TSHZ2: variants seen among roughly 807,000 people sequenced by gnomAD.
TSHZ2 encodes the protein teashirt homolog 2.
Under a neutral mutation model 74.4 loss-of-function variants are expected in TSHZ2, and 21 were observed. That is an observed-to-expected ratio of 0.28 (90% confidence interval 0.20 to 0.41). TSHZ2 has a LOEUF of 0.41. Ranked by LOEUF, TSHZ2 falls within the 10% of genes least tolerant of loss-of-function variation. TSHZ2 has a pLI of 1.00. For synonymous variants in TSHZ2, 540 were observed against 515.3 expected (o/e 1.05, Z -0.65); for missense variants, 1,244 against 1,293.5 (o/e 0.96, Z 0.59).
chr20:53,235,088 G>A (rs990026106), intron 1 of TSHZ2, among the ~76,000 whole-genome samples: 2 of 144,858 alleles, frequency 1.4e-5, no homozygotes, highest in Non-Finnish European at 3.0e-5. Context: ...AAGTTGAGGT[G>A]GAAGATGCTT....
chr20:53,184,363 G>T (rs7263115), intron 1 of TSHZ2, among the ~76,000 whole-genome samples: 14,006 of 152,154 alleles, frequency 0.092, 1,908 homozygotes, highest in African/African-American at 0.3. Context: ...GCATTTGACT[G>T]ACTTTTTCTG....
At chr20:53,325,102 G>C (rs1322220464) in intron 2 of TSHZ2, among the ~76,000 whole-genome samples, 1 of 152,192 alleles carries the variant, frequency 6.6e-6, no homozygotes, top group African/African-American at 2.4e-5. Context: ...TACGAACACA[G>C]GGACTGTGAA....
chr20:53,280,170 C>T (rs1415143710), intron 2 of TSHZ2, among the ~76,000 whole-genome samples: 2 of 152,166 alleles, frequency 1.3e-5, no homozygotes, highest in Non-Finnish European at 2.9e-5. Context: ...GTGAATGTAC[C>T]TTTCCTTCCT....
intron 2 of TSHZ2, among the ~76,000 whole-genome samples, chr20:53,378,533 G>A (rs1335465977): frequency 6.6e-6 from 1 of 151,994 alleles, no homozygotes; most frequent in African/African-American, 2.4e-5. Flanking sequence ...CCCTGTTTCA[G>A]TGTGTCTCTG....
chr20:53,432,594 C>T (rs1005364828), intron 2 of TSHZ2, among the ~76,000 whole-genome samples: 2 of 152,186 alleles, frequency 1.3e-5, no homozygotes, highest in African/African-American at 4.8e-5. Context: ...CCATCAGCAG[C>T]ATATAAGCAT....
intron 2 of TSHZ2, among the ~76,000 whole-genome samples, chr20:53,321,481 C>T (rs911583650): frequency 2.6e-5 from 4 of 151,864 alleles, no homozygotes; most frequent in Non-Finnish European, 5.9e-5. Context: ...GTCAGGAGTT[C>T]AAGACCAGCC....
At chr20:53,056,976 G>A (rs58861475) in intron 1 of TSHZ2, among the ~76,000 whole-genome samples, 166 of 152,276 alleles carry the variant, frequency 1.1e-3, no homozygotes, top group Non-Finnish European at 1.2e-3. Flanking sequence ...CCCGCGTGTC[G>A]TGGGAGGGAC....
intron 1 of TSHZ2, among the ~76,000 whole-genome samples, chr20:52,999,124 GCCA>G (rs1982315790): frequency 1.7e-5 from 2 of 119,550 alleles, no homozygotes; most frequent in Non-Finnish European, 3.8e-5. Context: ...ACTCTTCACT[GCCA>G]CATTCCAAGA....
chr20:53,008,112 A>G (rs2122987607), intron 1 of TSHZ2, among the ~76,000 whole-genome samples: 1 of 152,294 alleles, frequency 6.6e-6, no homozygotes, highest in East Asian at 1.9e-4. Flanking sequence ...TTGATATTAG[A>G]ATTGAGAATG....
At chr20:53,112,942 G>T (rs1456976930) in intron 1 of TSHZ2, among the ~76,000 whole-genome samples, 4 of 152,166 alleles carry the variant, frequency 2.6e-5, no homozygotes, top group Non-Finnish European at 4.4e-5. Flanking sequence ...TGTAACCCTT[G>T]GTTTGGGGCC....
intron 1 of TSHZ2, among the ~76,000 whole-genome samples, chr20:53,106,386 A>ACTTT (rs1986365840): frequency 1.2e-5 from 1 of 84,684 alleles, no homozygotes; most frequent in African/African-American, 4.7e-5. Flanking sequence ...GCCTTCTCAC[A>ACTTT]CTTTCTTTTT....
intron 1 of TSHZ2, 127 bp from the exon 2 acceptor site, chr20:53,253,372 C>T (rs1990371606): frequency 7.1e-7 from 1 of 1,399,200 alleles, no homozygotes; most frequent in Non-Finnish European, 9.4e-7. Flanking sequence ...CCACTGCTCA[C>T]AGTGCATAAA....
intron 2 of TSHZ2, among the ~76,000 whole-genome samples, chr20:53,352,799 GAAAT>G (rs1421083307): frequency 8.4e-5 from 10 of 118,352 alleles, no homozygotes; most frequent in Non-Finnish European, 1.6e-4. Context: ...AAAAAAGAAA[GAAAT>G]AAGATGAGAA....
intron 1 of TSHZ2, among the ~76,000 whole-genome samples, chr20:53,119,491 G>T (rs1600700037): frequency 6.6e-6 from 1 of 152,178 alleles, no homozygotes; most frequent in African/African-American, 2.4e-5. Flanking sequence ...AGGGGAGAGA[G>T]TCCAGCGCTA....
chr20:53,385,289 C>A (rs551458447), intron 2 of TSHZ2, among the ~76,000 whole-genome samples: 122 of 151,672 alleles, frequency 8.0e-4, no homozygotes, highest in Non-Finnish European at 1.1e-3. Flanking sequence ...TTTGGAATGT[C>A]ATATTATTGA....
chr20:53,345,818 C>T (rs1461742940), intron 2 of TSHZ2, among the ~76,000 whole-genome samples: 1 of 151,630 alleles, frequency 6.6e-6, no homozygotes, highest in Non-Finnish European at 1.5e-5. Context: ...ACCCCTAAGG[C>T]GGTGGCGTGA....
intron 2 of TSHZ2, among the ~76,000 whole-genome samples, chr20:53,439,339 A>C (rs1418748760): frequency 1.3e-5 from 2 of 152,200 alleles, no homozygotes; most frequent in African/African-American, 4.8e-5. Flanking sequence ...CAAAGTGCCT[A>C]GCTCACTATT....
intron 1 of TSHZ2, among the ~76,000 whole-genome samples, chr20:53,204,250 C>A (rs372121839): frequency 3.0e-5 from 4 of 133,250 alleles, no homozygotes; most frequent in Non-Finnish European, 4.9e-5. Context: ...ACTATATCAT[C>A]ATATGATGAT....
chr20:53,097,456 T>C (rs1301509008), intron 1 of TSHZ2, among the ~76,000 whole-genome samples: 3 of 152,172 alleles, frequency 2.0e-5, no homozygotes, highest in Non-Finnish European at 4.4e-5. Context: ...CCTTTATGTC[T>C]CAGAAATGCT....
Sources: allele counts gnomAD v4.1 joint callset (sites outside exome capture counted in the v4.1 genomes callset), GRCh38; gene constraint gnomAD v4.1.1; transcripts MANE v1.5; gene names NCBI Gene and HGNC (gene_info 2026-07-23, HGNC 2026-07-21).